The following IPCEF1 variants were observed in gnomAD, a reference collection of about 807,000 sequenced individuals.
IPCEF1 encodes the protein interaction protein for cytohesin exchange factors 1, also known as interactor protein for cytohesin exchange factors 1.
In IPCEF1, 31 loss-of-function variants were observed where a neutral mutation model predicts 50.9. The observed-to-expected ratio is 0.61, with a 90% CI of 0.46 to 0.82. The LOEUF (loss-of-function observed/expected upper bound fraction) is 0.82. IPCEF1 is among the 40% of genes least tolerant of loss of function. The pLI is 0.00. For synonymous variants in IPCEF1, 181 were observed against 192.0 expected (o/e 0.94, Z 0.47); for missense variants, 458 against 514.0 (o/e 0.89, Z 1.05).
At chr6:154,331,978 C>T (rs1783682847) in intron 1 of IPCEF1, among the ~76,000 whole-genome samples, 1 of 152,170 alleles carries the variant, frequency 6.6e-6, no homozygotes, top group African/African-American at 2.4e-5. Context: ...CCTTTCATTA[C>T]TGCTCTGAAA....
intron 10 of IPCEF1, among the ~76,000 whole-genome samples, chr6:154,183,234 C>T (rs1317019695): frequency 2.6e-5 from 4 of 152,092 alleles, no homozygotes; most frequent in Admixed American, 6.5e-5. Flanking sequence ...CCATCTTGGC[C>T]TCCCAAAGTG....
At chr6:154,261,294 T>C (rs1781594284) in intron 3 of IPCEF1, among the ~76,000 whole-genome samples, 1 of 152,168 alleles carries the variant, frequency 6.6e-6, no homozygotes, top group Admixed American at 6.5e-5. Flanking sequence ...CCCAAAATGC[T>C]GGGATTGCAG....
At chr6:154,221,576 T>G (rs973058029) in intron 6 of IPCEF1, among the ~76,000 whole-genome samples, 4 of 152,192 alleles carry the variant, frequency 2.6e-5, no homozygotes, top group African/African-American at 9.6e-5. Flanking sequence ...AGTTTCCATT[T>G]AAAACATATA....
intron 1 of IPCEF1, among the ~76,000 whole-genome samples, chr6:154,343,129 T>G (rs549393466): frequency 1.6e-4 from 24 of 152,030 alleles, no homozygotes; most frequent in Admixed American, 7.9e-4. Flanking sequence ...GAGAGAGAGA[T>G]AGAGAAAACA....
chr6:154,265,359 C>CA (rs1781728641), intron 3 of IPCEF1, among the ~76,000 whole-genome samples: 1 of 151,880 alleles, frequency 6.6e-6, no homozygotes, highest in Non-Finnish European at 1.5e-5. Context: ...CGGCTCACTG[C>CA]AACCTCCACT....
At chr6:154,291,753 C>T (rs1237406731) in intron 1 of IPCEF1, among the ~76,000 whole-genome samples, 2 of 141,348 alleles carry the variant, frequency 1.4e-5, no homozygotes, top group African/African-American at 5.4e-5. Context: ...GGCACAATCT[C>T]GGCTCACTGC....
At chr6:154,325,772 G>T (rs553524829) in intron 1 of IPCEF1, among the ~76,000 whole-genome samples, 1 of 151,990 alleles carries the variant, frequency 6.6e-6, no homozygotes, top group African/African-American at 2.4e-5. Context: ...GCTTTTTGAC[G>T]GTGAATATAT....
At chr6:154,331,561 A>T (rs1783674251) in intron 1 of IPCEF1, among the ~76,000 whole-genome samples, 1 of 152,138 alleles carries the variant, frequency 6.6e-6, no homozygotes, top group Non-Finnish European at 1.5e-5. Context: ...AATTTGTTGC[A>T]GTCAGTACCA....
At chr6:154,191,274 A>C (rs1801857093) in intron 10 of IPCEF1, among the ~76,000 whole-genome samples, 1 of 152,268 alleles carries the variant, frequency 6.6e-6, no homozygotes, top group Admixed American at 6.5e-5. Flanking sequence ...AGCACAGGGG[A>C]TATTTTTTAC....
At chr6:154,227,901 CT>C (rs796354438) in intron 5 of IPCEF1, among the ~76,000 whole-genome samples, 199 of 150,882 alleles carry the variant, frequency 1.3e-3, no homozygotes, top group African/African-American at 4.4e-3. Context: ...TAAGCAGAAG[CT>C]TTTTTTTTAT....
At chr6:154,161,110 G>A (rs959752810) in intron 11 of IPCEF1, among the ~76,000 whole-genome samples, 1 of 152,086 alleles carries the variant, frequency 6.6e-6, no homozygotes, top group African/African-American at 2.4e-5. Flanking sequence ...GCCACATGAA[G>A]AATCTTCCTT....
At chr6:154,195,347 C>A (rs1323808193) in intron 10 of IPCEF1, among the ~76,000 whole-genome samples, 1 of 151,960 alleles carries the variant, frequency 6.6e-6, no homozygotes, top group Non-Finnish European at 1.5e-5. Context: ...TGGGGTTTCA[C>A]CATGTTAGCC....
At chr6:154,325,372 A>G (rs1019430786) in intron 1 of IPCEF1, among the ~76,000 whole-genome samples, 46 of 152,222 alleles carry the variant, frequency 3.0e-4, no homozygotes, top group Admixed American at 5.9e-4. Context: ...TTAGAACTAC[A>G]TTGTATAAAC....
rs1782744271 is a variant in IPCEF1, at chr6:154,299,645, G to T, written c.-61-9889C>A. Among the ~76,000 whole-genome samples, 2 of 140,550 alleles carry T rather than the reference G, an allele frequency of 1.4e-5. 1 individual carries two copies. Among genetic ancestry groups the T allele is most frequent in the Non-Finnish European group, 3.2e-5 (2 of 62,720 alleles). 92.2% of individuals were successfully genotyped at this position (140,550 alleles called of 152,430 possible). Reference sequence around the variant, plus strand: ...ACATCGGGAAAAACAGCTAATGCATGCTGGGCTTAATACCTAGGTGATGGG... The same window carrying T: ...ACATCGGGAAAAACAGCTAATGCATTCTGGGCTTAATACCTAGGTGATGGG... On this transcript the variant is annotated intron_variant, in intron 1 of 11. Transcript: ENST00000367220.
chr6:154,292,979 A>G (rs1782550301), intron 1 of IPCEF1, among the ~76,000 whole-genome samples: 1 of 152,222 alleles, frequency 6.6e-6, no homozygotes, highest in African/African-American at 2.4e-5. Context: ...AAAGCAATGA[A>G]AACAGTATTT....
chr6:154,285,299 ACTTGTT>A (rs1343475081), intron 2 of IPCEF1, among the ~76,000 whole-genome samples: 1 of 152,140 alleles, frequency 6.6e-6, no homozygotes, highest in African/African-American at 2.4e-5. Context: ...TGCTGAGAAA[ACTTGTT>A]CTTTTCTTTT....
At chr6:154,209,777 T>C (rs1360911337) in intron 9 of IPCEF1, among the ~76,000 whole-genome samples, 2 of 152,050 alleles carry the variant, frequency 1.3e-5, no homozygotes, top group African/African-American at 4.8e-5. Context: ...ACAAAATCTG[T>C]CTGGGAAATA....
In IPCEF1 at chr6:154,318,614, G is replaced by A. The variant is rs547757469; in HGVS notation, c.-61-28858C>T. ...CGCCTCTAGTCTCAGCACTTTGGGA[G>A]GCCAAGGTGGGTAGATTGCTTGAGC... On this transcript the variant is annotated intron_variant, in intron 1 of 11. Coordinates refer to ENST00000367220, the MANE Select transcript of IPCEF1 (RefSeq NM_001130700.2). Among the ~76,000 whole-genome samples the A allele has an allele frequency of 1.3e-3, 193 of 151,248 alleles. 2 individuals are homozygous for A. The highest frequency in any genetic ancestry group is 3.7e-3 in the African/African-American group (152 of 41,190).
intron 1 of IPCEF1, among the ~76,000 whole-genome samples, chr6:154,302,495 A>T (rs781294998): frequency 1.3e-5 from 2 of 151,488 alleles, no homozygotes; most frequent in African/African-American, 2.4e-5. Context: ...TTAGTGGGGG[A>T]AGGGGGTTTT....
Sources: allele counts gnomAD v4.1 joint callset (sites outside exome capture counted in the v4.1 genomes callset), GRCh38; gene constraint gnomAD v4.1.1; transcripts MANE v1.5; gene names NCBI Gene and HGNC (gene_info 2026-07-23, HGNC 2026-07-21).